Variants in GLRA3 observed in about 807,000 individuals in gnomAD.
GLRA3 encodes glycine receptor alpha 3.
In GLRA3, 44 loss-of-function variants were observed where a neutral mutation model predicts 60.4. The ratio of observed to expected loss-of-function variants is 0.73; its 90% CI spans 0.57 to 0.94. GLRA3 has a LOEUF of 0.94. GLRA3 is among the 40% of genes least tolerant of loss of function. The pLI is 0.00. For synonymous variants in GLRA3, 223 were observed against 192.9 expected, an observed-to-expected ratio of 1.16 and a Z score of -1.29; for missense variants, 508 against 564.6, an observed-to-expected ratio of 0.90 and a Z score of 1.02.
At chr4:174,808,149 C>T (rs1740122754) in intron 1 of GLRA3, among the ~76,000 whole-genome samples, 1 of 151,932 alleles carries the variant, frequency 6.6e-6, no homozygotes, top group African/African-American at 2.4e-5. Context: ...TTTGAAAAAG[C>T]ACTTAAAGCC....
intron 5 of GLRA3, among the ~76,000 whole-genome samples, chr4:174,691,856 G>C (rs376558544): frequency 1.3e-5 from 2 of 149,526 alleles, no homozygotes; most frequent in African/African-American, 4.9e-5. Context: ...GCCGCCCATC[G>C]TCTGGGATGT....
At chr4:174,777,839 T>C (rs1738664658) in intron 2 of GLRA3, among the ~76,000 whole-genome samples, 1 of 152,178 alleles carries the variant, frequency 6.6e-6, no homozygotes, top group Admixed American at 6.5e-5. Context: ...AATTATTCTG[T>C]AAACCTAAAA....
At chr4:174,822,129 C>A (rs1740764358) in intron 1 of GLRA3, among the ~76,000 whole-genome samples, 1 of 152,196 alleles carries the variant, frequency 6.6e-6, no homozygotes, top group Admixed American at 6.6e-5. Context: ...ATCACAGGTT[C>A]TCCTCTCCAC....
At position 174,721,493 on chromosome 4, in the gene GLRA3, C is replaced by CGCTT. The variant is rs140249892; in HGVS notation, c.492-5924_492-5923insAAGC. 1.5e-4 allele frequency among the ~76,000 whole-genome samples: 22 copies of CGCTT among 150,258 alleles called. 1 individual carries two copies. The highest frequency in any genetic ancestry group is 4.9e-4 in the African/African-American group (20 of 40,886). The stretch of plus-strand genomic sequence containing the variant: ...ATATAACATATATAACATATATAAA[C>CGCTT]AAGTAATAATTATGTTACAAATTTC... On this transcript the variant is annotated intron_variant, in intron 4 of 9. Coordinates refer to ENST00000274093, the MANE Select transcript of GLRA3 (RefSeq NM_006529.4).
chr4:174,751,057 GTCTGTCTATCTATCTATCTA>G (rs1413995486), intron 3 of GLRA3, among the ~76,000 whole-genome samples: 7 of 142,288 alleles, frequency 4.9e-5, no homozygotes, highest in African/African-American at 7.7e-5. Flanking sequence ...AAGCCTGTCT[GTCTGTCTATCTATCTATCTA>G]TCTATCTATC....
intron 3 of GLRA3, among the ~76,000 whole-genome samples, chr4:174,739,585 A>C (rs894447625): frequency 6.6e-6 from 1 of 152,180 alleles, no homozygotes; most frequent in African/African-American, 2.4e-5. Context: ...TTGATTCCCA[A>C]CCCAAGGTAG....
chr4:174,684,876 G>A (rs1005186120), intron 5 of GLRA3, among the ~76,000 whole-genome samples: 5 of 152,290 alleles, frequency 3.3e-5, no homozygotes, highest in East Asian at 1.9e-4. Context: ...GGGCGTGGTG[G>A]TGGGCACCTC....
chr4:174,791,710 C>T (rs1336927459), intron 1 of GLRA3, among the ~76,000 whole-genome samples: 2 of 152,050 alleles, frequency 1.3e-5, no homozygotes, highest in African/African-American at 2.4e-5. Context: ...AAGCATGCTT[C>T]TATTGATTGC....
In GLRA3 at chr4:174,649,001, C is replaced by T. The variant is rs369801555; in HGVS notation, c.1117-4937G>A. Among the ~76,000 whole-genome samples the T allele has an allele frequency of 1.2e-4, 18 of 152,226 alleles. No homozygotes were observed. In the East Asian group the frequency reaches 1.7e-3, roughly 15 times the overall value. ...TTTTCAGCTCAGAAGTTAAATCCCA[C>T]GGTGCCAATGGGGAATGGAAACAAA... On this transcript the variant is annotated intron_variant, in intron 9 of 9. Coordinates refer to ENST00000274093, the MANE Select transcript of GLRA3 (RefSeq NM_006529.4).
At chr4:174,775,223 G>A (rs1738552599) in intron 2 of GLRA3, among the ~76,000 whole-genome samples, 1 of 151,954 alleles carries the variant, frequency 6.6e-6, no homozygotes, top group Non-Finnish European at 1.5e-5. Context: ...AATTGTAAAT[G>A]TTATTCAAGA....
At chr4:174,657,773 A>G (rs1210538226) in intron 8 of GLRA3, among the ~76,000 whole-genome samples, 1 of 150,908 alleles carries the variant, frequency 6.6e-6, no homozygotes, top group East Asian at 1.9e-4. Flanking sequence ...CCCCATCACA[A>G]TATGTTTCAG....
intron 9 of GLRA3, among the ~76,000 whole-genome samples, chr4:174,649,586 G>A (rs1005199927): frequency 2.0e-5 from 3 of 152,122 alleles, no homozygotes; most frequent in African/African-American, 7.2e-5. Flanking sequence ...TGGCGCAGGG[G>A]TGGTAGTTTT....
At chr4:174,807,044 G>A (rs1045072600) in intron 1 of GLRA3, among the ~76,000 whole-genome samples, 3 of 152,008 alleles carry the variant, frequency 2.0e-5, no homozygotes, top group African/African-American at 7.2e-5. Context: ...AAAATAGCCA[G>A]TATGATGAAA....
At chr4:174,683,639 G>A (rs1263026271) in intron 5 of GLRA3, among the ~76,000 whole-genome samples, 15 of 152,132 alleles carry the variant, frequency 9.9e-5, no homozygotes, top group African/African-American at 1.4e-4. Flanking sequence ...GTCAGCCACC[G>A]CGCCCAGACA....
chr4:174,798,701 G>A lies in GLRA3; in HGVS notation c.72-9758C>T, dbSNP rs1207299857. Among the ~76,000 whole-genome samples the A allele has an allele frequency of 2.6e-5, 4 of 152,186 alleles. No homozygotes were observed. The East Asian group carries it at 7.7e-4, about 29-fold the overall frequency. Reference sequence around the variant, plus strand: ...GCACTTTGGGAGGCCAAGGCGGGCGGATCACGAGGTCAGTAGACGGAGACC... The same window carrying A: ...GCACTTTGGGAGGCCAAGGCGGGCGAATCACGAGGTCAGTAGACGGAGACC... On this transcript the variant is annotated intron_variant, in intron 1 of 9. Coordinates refer to ENST00000274093, the MANE Select transcript of GLRA3 (RefSeq NM_006529.4).
chr4:174,785,821 G>C (rs777345974), intron 2 of GLRA3, among the ~76,000 whole-genome samples: 1 of 152,036 alleles, frequency 6.6e-6, no homozygotes, highest in African/African-American at 2.4e-5. Flanking sequence ...CCAGGCTGGA[G>C]TGCAGTGGCA....
chr4:174,732,116 G>A (rs1199501796), intron 3 of GLRA3, among the ~76,000 whole-genome samples: 1 of 152,180 alleles, frequency 6.6e-6, no homozygotes, highest in Non-Finnish European at 1.5e-5. Flanking sequence ...CAGCACTTCG[G>A]GAGGCCGAGG....
At chr4:174,825,173 T>C (rs561247265) in intron 1 of GLRA3, among the ~76,000 whole-genome samples, 5 of 152,134 alleles carry the variant, frequency 3.3e-5, no homozygotes, top group Non-Finnish European at 5.9e-5. Flanking sequence ...CAAAGATTTT[T>C]TTAAAACTAT....
intron 1 of GLRA3, among the ~76,000 whole-genome samples, chr4:174,816,649 T>C (rs1291918828): frequency 5.9e-5 from 9 of 152,054 alleles, no homozygotes; most frequent in Non-Finnish European, 1.3e-4. Context: ...TCTTGGTCAT[T>C]TCTAATTGTG....
Sources: gnomAD v4.1 joint callset for allele counts (sites outside exome capture counted in the v4.1 genomes callset) on GRCh38, gnomAD v4.1.1 for gene constraint, MANE v1.5 for transcripts, NCBI Gene and HGNC (gene_info 2026-07-23, HGNC 2026-07-21) for gene names.